The following ALLC variants were observed in gnomAD, a reference collection of about 807,000 sequenced individuals.
The protein encoded by ALLC is probable inactive allantoicase.
In ALLC, 40 loss-of-function variants were observed where a neutral mutation model predicts 45.0. The ratio of observed to expected loss-of-function variants is 0.89; its 90% confidence interval spans 0.69 to 1.16. ALLC has a LOEUF of 1.16. Among genes scored for constraint, ALLC ranks in the 50% most tolerant of loss-of-function variants. The probability of loss-of-function intolerance (pLI) is 0.00; values close to 1 mark genes in which losing one functional copy is unlikely to be tolerated. For missense variants in ALLC, 488 were observed against 493.1 expected (o/e 0.99, Z 0.10); for synonymous variants, 176 against 178.1 (o/e 0.99, Z 0.09).
At chr2:3,695,479 G>T in intron 7 of ALLC, 1 of 479,462 alleles carries the variant, frequency 2.1e-6, no homozygotes. Flanking sequence ...CTGAGGCCAT[G>T]CCTTTAAGGT....
chr2:3,675,966 T>C (rs559002401), intron 3 of ALLC, among the ~76,000 whole-genome samples: 1 of 152,324 alleles, frequency 6.6e-6, no homozygotes, highest in East Asian at 1.9e-4. Context: ...CTGCCGCTGA[T>C]TCCCTCAGGT....
intron 7 of ALLC, among the ~76,000 whole-genome samples, chr2:3,687,736 A>G (rs1198271545): frequency 1.3e-5 from 2 of 151,082 alleles, no homozygotes; most frequent in African/African-American, 2.4e-5. Flanking sequence ...GTAGTTGTTC[A>G]TAATAGTCTC....
chr2:3,697,305 G>A (rs758869794), intron 9 of ALLC, 43 bp from the exon 10 acceptor site: 2 of 1,503,990 alleles, frequency 1.3e-6, no homozygotes, highest in South Asian at 2.3e-5. Flanking sequence ...TTTCTTGAAT[G>A]ACTCCAAGTT....
At chr2:3,700,086 A>G (rs1278182860) in intron 10 of ALLC, among the ~76,000 whole-genome samples, 3 of 152,160 alleles carry the variant, frequency 2.0e-5, no homozygotes, top group Non-Finnish European at 4.4e-5. Context: ...TCCTATGTCC[A>G]GAATGGTATT....
intron 1 of ALLC, among the ~76,000 whole-genome samples, chr2:3,662,660 A>G (rs1165033509): frequency 6.6e-6 from 1 of 152,166 alleles, no homozygotes; most frequent in Non-Finnish European, 1.5e-5. Context: ...TATATGATGG[A>G]TGGTGATCAG....
chr2:3,659,698 C>T (rs1216869848), intron 1 of ALLC, among the ~76,000 whole-genome samples: 1 of 152,234 alleles, frequency 6.6e-6, no homozygotes, highest in Non-Finnish European at 1.5e-5. Flanking sequence ...TCAGCAAGCT[C>T]ATGGCGCAAG....
At chr2:3,673,534 T>A (rs946129358) in intron 2 of ALLC, among the ~76,000 whole-genome samples, 21 of 152,120 alleles carry the variant, frequency 1.4e-4, no homozygotes, top group African/African-American at 4.8e-4. Context: ...CTGGCTTGGG[T>A]GGAGTGACCA....
Position 3,702,565 on chromosome 2 carries a change from A to G in ALLC, c.*2A>G. 1 of 1,554,846 alleles carries G rather than the reference A, an allele frequency of 6.4e-7. No individual in the cohort carries two copies. Among genetic ancestry groups the G allele is most frequent in the Non-Finnish European group, 8.7e-7 (1 of 1,151,508 alleles). ...GTGAGCTTCAAAGCAAACCCTTAAC[A>G]CACACAAAGCCCCGGTGTCGGACAC... On this transcript the variant is annotated 3_prime_UTR_variant, in exon 12 of 12. Coordinates refer to ENST00000252505, the MANE Select transcript of ALLC (RefSeq NM_018436.4).
intron 3 of ALLC, among the ~76,000 whole-genome samples, chr2:3,675,478 G>T (rs1214619268): frequency 6.6e-6 from 1 of 151,668 alleles, no homozygotes; most frequent in South Asian, 2.1e-4. Flanking sequence ...GTTTGAAGGC[G>T]CACACATCAA....
chr2:3,650,436 G>A, the ALLC span, among the ~76,000 whole-genome samples: 1 of 152,198 alleles, frequency 6.6e-6, no homozygotes. Context: ...CTGTTTGCTG[G>A]CTACTGAGTG....
chr2:3,658,138 G>C (rs1204936267), upstream of ALLC: 1 of 152,350 alleles, frequency 6.6e-6, no homozygotes, highest in Non-Finnish European at 1.5e-5. Context: ...TGCAACCCTT[G>C]TGACATCATA....
intron 3 of ALLC, among the ~76,000 whole-genome samples, 191 bp from the exon 4 acceptor site, chr2:3,678,277 C>G (rs772715763): frequency 6.6e-6 from 1 of 152,242 alleles, no homozygotes; most frequent in African/African-American, 2.4e-5. Flanking sequence ...ACATTTCTTT[C>G]TCTGAAGATG....
intron 2 of ALLC, among the ~76,000 whole-genome samples, chr2:3,672,704 T>C (rs1424580497): frequency 6.7e-6 from 1 of 148,884 alleles, no homozygotes; most frequent in African/African-American, 2.5e-5. Context: ...TCGGAAGTCC[T>C]CTGGCTCTGG....
chr2:3,655,377 T>C (rs1219344146), upstream of ALLC, among the ~76,000 whole-genome samples: 3 of 152,324 alleles, frequency 2.0e-5, no homozygotes, highest in East Asian at 3.9e-4. Context: ...GGCTGGCACA[T>C]GTGTCCCAGG....
intron 3 of ALLC, 53 bp from the exon 4 acceptor site, chr2:3,678,415 G>T: frequency 6.7e-7 from 1 of 1,483,636 alleles, no homozygotes; most frequent in Non-Finnish European, 9.4e-7. Context: ...CTTGCTGGAA[G>T]CCAGGAGATC....
rs551331571 is a variant in ALLC at position 3,664,905 on chromosome 2, A to ACC, written c.-62-6191_-62-6190insCC. On this transcript the variant is annotated intron_variant, in intron 1 of 11. Coordinates refer to ENST00000252505, the MANE Select transcript of ALLC (RefSeq NM_018436.4). ...TCTCCAAAAAAAAAAACAAAACCAA[A>ACC]ACCCCCCCCCAAACCAGATGTTTCC... Among the ~76,000 whole-genome samples, 305 of 149,994 alleles carry ACC rather than the reference A, an allele frequency of 2.0e-3. 2 individuals are homozygous for ACC. Among genetic ancestry groups the ACC allele is most frequent in the African/African-American group, 7.5e-3 (297 of 39,814 alleles).
the ALLC span, among the ~76,000 whole-genome samples, chr2:3,649,099 C>T: frequency 2.0e-5 from 3 of 152,278 alleles, no homozygotes; most frequent in Admixed American, 1.3e-4. Context: ...GTCATAGGTT[C>T]TTGGAAATGG....
intron 10 of ALLC, among the ~76,000 whole-genome samples, chr2:3,699,716 C>G (rs1291846921): frequency 6.6e-6 from 1 of 151,978 alleles, no homozygotes; most frequent in Non-Finnish European, 1.5e-5. Flanking sequence ...ATTGTATCTC[C>G]CAGTGGTTTT....
chr2:3,701,752 A>G, intron 11 of ALLC, 116 bp downstream of exon 11: 1 of 1,281,038 alleles, frequency 7.8e-7, no homozygotes, highest in Non-Finnish European at 1.0e-6. Context: ...GGTAAAACGA[A>G]TGAGGTTTAA....
Sources: gnomAD v4.1 joint callset for allele counts (sites outside exome capture counted in the v4.1 genomes callset) on GRCh38, gnomAD v4.1.1 for gene constraint, MANE v1.5 for transcripts, NCBI Gene and HGNC (gene_info 2026-07-23, HGNC 2026-07-21) for gene names.